Variants in MMP24 observed in about 807,000 individuals in gnomAD.
MMP24 encodes the protein matrix metallopeptidase 24, also known as matrix metalloproteinase-24.
Under a neutral mutation model 62.8 loss-of-function variants are expected in MMP24, and 25 were observed. The ratio of observed to expected loss-of-function variants is 0.40; its 90% CI spans 0.29 to 0.56. MMP24 has a LOEUF of 0.56. Among genes scored for constraint, MMP24 ranks in the 20% least tolerant of loss-of-function variants. MMP24 has a pLI of 0.50. For synonymous variants in MMP24, 319 were observed against 350.5 expected (o/e 0.91, Z 1.00); for missense variants, 634 against 853.6 (o/e 0.74, Z 3.21).
chr20:35,245,036 T>C lies in MMP24; in HGVS notation c.247-1804T>C, dbSNP rs371988808. On this transcript the variant is annotated intron_variant, in intron 1 of 8. Transcript: ENST00000246186. ...CTTTAAATATTTATTTATTTACTTA[T>C]TTATTTTAGAGATGAGATCTCACTC... Among the ~76,000 whole-genome samples the C allele has an allele frequency of 5.9e-5, 9 of 152,306 alleles. No homozygotes were observed. The South Asian group carries it at 1.9e-3, about 32-fold the overall frequency.
chr20:35,275,864 G>A lies in MMP24; in HGVS notation c.*1255G>A, dbSNP rs1389362165. On this transcript the variant is annotated 3_prime_UTR_variant, in exon 9 of 9. Coordinates refer to ENST00000246186, the MANE Select transcript of MMP24 (RefSeq NM_006690.4). ...CCCCTACCGGTAGCAGCCCCAAGCT[G>A]AGGGGGCTCCCTTTTTGACCTTCAC... 5.0e-6 allele frequency: 2 copies of A among 397,174 alleles called. No homozygotes were observed. The highest frequency in any genetic ancestry group is 8.9e-6 in the Non-Finnish European group (2 of 225,804). The allele number at this position is 397,174 out of a possible 1,614,324, so 24.6% of individuals were successfully genotyped here. A position where few individuals can be genotyped will look rare whatever the true frequency, so the allele number is the denominator to read the frequency against.
At chr20:35,245,943 TA>T (rs1377141772) in intron 1 of MMP24, among the ~76,000 whole-genome samples, 3 of 152,202 alleles carry the variant, frequency 2.0e-5, no homozygotes, top group Non-Finnish European at 4.4e-5. Flanking sequence ...AGATTTTTTC[TA>T]TGCACACATG....
chr20:35,232,510 G>A (rs973265836), intron 1 of MMP24, among the ~76,000 whole-genome samples: 3 of 152,196 alleles, frequency 2.0e-5, no homozygotes, highest in Non-Finnish European at 2.9e-5. Flanking sequence ...GGGAAGCACC[G>A]AAGAGGGAGG....
intron 8 of MMP24, among the ~76,000 whole-genome samples, chr20:35,272,836 GATA>G (rs1458580159): frequency 1.3e-5 from 2 of 152,134 alleles, no homozygotes; most frequent in East Asian, 1.9e-4. Context: ...TTTATAAAAT[GATA>G]ATAACAGTAC....
intron 1 of MMP24, among the ~76,000 whole-genome samples, chr20:35,244,592 C>G (rs577234069): frequency 1.3e-5 from 2 of 152,270 alleles, no homozygotes; most frequent in Admixed American, 1.3e-4. Context: ...AGGCACCCGT[C>G]ACCATGCCCG....
chr20:35,269,756 C>T lies in MMP24; in HGVS notation c.1195-4C>T. 1 of 1,568,644 alleles carries T rather than the reference C, an allele frequency of 6.4e-7. No homozygotes were observed. Among genetic ancestry groups the T allele is most frequent in the Non-Finnish European group, 8.6e-7 (1 of 1,156,912 alleles). ...CTCTCTCCCCCTCTCCCGCTTCCTC[C>T]CAGGATCGCTGGTTCTGGCGTCTGC... On this transcript the variant is annotated splice_polypyrimidine_tract_variant and splice_region_variant and intron_variant, in intron 6 of 8. Coordinates refer to ENST00000246186, the MANE Select transcript of MMP24 (RefSeq NM_006690.4). This position sits in a 1 kb window ranked among gnomAD's most constrained non-coding sequence, Gnocchi z 4.6.
chr20:35,271,677 G>T lies in MMP24; in HGVS notation c.1442G>T (p.Arg481Leu), dbSNP rs752150455. ...CGTGAAGGCATTGACACAGCTCTGC[G>T]CTGGGAACCTGTGGGCAAGACCTAC... ...LPREGIDTALRWEPVGKTYFF... is the reference protein window; with the variant it reads ...LPREGIDTALLWEPVGKTYFF... The change falls in exon 8 of 9, where the codon CGC becomes CTC. Residue 481 changes from arginine (R) to leucine (L), a missense_variant. By Grantham distance (102) the Arg-to-Leu change is moderately radical. Coordinates refer to ENST00000246186, the MANE Select transcript of MMP24 (RefSeq NM_006690.4). The surrounding 1 kb of genome is among the most constrained non-coding windows in gnomAD (Gnocchi z 4.0). 15 of 1,608,814 alleles carry T rather than the reference G, an allele frequency of 9.3e-6. No individual in the cohort carries two copies. The South Asian group carries it at 1.7e-4, about 18-fold the overall frequency.
At chr20:35,227,097 C>G (rs2060417217) in intron 1 of MMP24, 113 bp downstream of exon 1, 1 of 873,436 alleles carries the variant, frequency 1.1e-6, no homozygotes, top group African/African-American at 1.8e-5. Flanking sequence ...GTCGCGGAGG[C>G]GGCGCGCCGG....
intron 4 of MMP24, among the ~76,000 whole-genome samples, chr20:35,261,964 C>T (rs1276112061): frequency 1.3e-5 from 2 of 152,140 alleles, no homozygotes; most frequent in Middle Eastern, 3.4e-3. Context: ...CCATATCTGG[C>T]TAATTTTTGG....
At chr20:35,257,899 A>G (rs1011234411) in intron 4 of MMP24, among the ~76,000 whole-genome samples, 1 of 152,244 alleles carries the variant, frequency 6.6e-6, no homozygotes, top group Non-Finnish European at 1.5e-5. Context: ...ACTGGAATGC[A>G]GTGAAGGCAG....
chr20:35,242,003 A>G (rs2060490506), intron 1 of MMP24, among the ~76,000 whole-genome samples: 1 of 152,204 alleles, frequency 6.6e-6, no homozygotes, highest in African/African-American at 2.4e-5. Context: ...TTAGGTTTGT[A>G]CCACACCTCT....
intron 1 of MMP24, among the ~76,000 whole-genome samples, chr20:35,235,765 C>T (rs2060460077): frequency 6.6e-6 from 1 of 152,132 alleles, no homozygotes; most frequent in South Asian, 2.1e-4. Context: ...TTTGTCTTCA[C>T]TTTTCCCTTT....
chr20:35,243,618 G>A (rs1055814390), intron 1 of MMP24, among the ~76,000 whole-genome samples: 24 of 152,210 alleles, frequency 1.6e-4, no homozygotes, highest in Non-Finnish European at 3.1e-4. Flanking sequence ...TTTGGGAGGA[G>A]GAGAAGGAGG....
chr20:35,237,779 G>A (rs947915148), intron 1 of MMP24, among the ~76,000 whole-genome samples: 3 of 152,196 alleles, frequency 2.0e-5, no homozygotes, highest in Admixed American at 6.5e-5. Context: ...CAAGTGAGCT[G>A]TCTTTTTAGA....
chr20:35,259,292 T>C (rs1204011189), intron 4 of MMP24, among the ~76,000 whole-genome samples: 1 of 152,106 alleles, frequency 6.6e-6, no homozygotes, highest in African/African-American at 2.4e-5. Flanking sequence ...TCACCACAGG[T>C]GGTTCTGCTG....
intron 1 of MMP24, among the ~76,000 whole-genome samples, chr20:35,229,106 C>T (rs1348052319): frequency 1.3e-5 from 2 of 152,170 alleles, no homozygotes; most frequent in Non-Finnish European, 2.9e-5. Context: ...TTATTTTTAT[C>T]GGAGTGCATT....
At position 35,274,408 on chromosome 20, in the gene MMP24, G is replaced by A; in HGVS notation, c.1737G>A (p.Glu579=). The A allele has an allele frequency of 6.2e-7, 1 of 1,613,952 alleles. No individual in the cohort carries two copies. Among genetic ancestry groups the A allele is most frequent in the Non-Finnish European group, 8.5e-7 (1 of 1,179,884 alleles). ...AGAAGGAGGTGGAGCGGCGGAAGGAGCGGCGGCTGCCCCAGGACGACGTGG... is the reference window on the plus strand; with the variant it reads ...AGAAGGAGGTGGAGCGGCGGAAGGAACGGCGGCTGCCCCAGGACGACGTGG... ...CNQKEVERRK[E]RRLPQDDVDI... Residue 579 remains glutamate, a synonymous_variant, in exon 9 of 9, where the codon GAG becomes GAA. Coordinates refer to ENST00000246186, the MANE Select transcript of MMP24 (RefSeq NM_006690.4). This position sits in a 1 kb window ranked among gnomAD's most constrained non-coding sequence, Gnocchi z 5.1.
At position 35,271,182 on chromosome 20, in the gene MMP24, G is replaced by A. The variant is rs2060667073; in HGVS notation, c.1334-387G>A. Among the ~76,000 whole-genome samples the A allele has an allele frequency of 6.6e-6, 1 of 152,200 alleles. No homozygotes were observed. The highest frequency in any genetic ancestry group is 6.5e-5 in the Admixed American group (1 of 15,282). ...TGGTGCAGATGAGGAGCTCTGGGGA[G>A]CCAGCCAATGCAGAGCTGCCGGTAG... On this transcript the variant is annotated intron_variant, in intron 7 of 8. Transcript: ENST00000246186. This position sits in a 1 kb window ranked among gnomAD's most constrained non-coding sequence, Gnocchi z 4.0.
intron 6 of MMP24, among the ~76,000 whole-genome samples, chr20:35,268,824 A>G (rs2425038): frequency 0.21 from 31,726 of 151,882 alleles, 3,661 homozygotes; most frequent in African/African-American, 0.31. Flanking sequence ...TCAGGAGATC[A>G]AGACCATCCT....
Sources: allele counts gnomAD v4.1 joint callset (sites outside exome capture counted in the v4.1 genomes callset), GRCh38; gene constraint gnomAD v4.1.1; non-coding constraint Gnocchi (gnomAD v3.1); transcripts MANE v1.5; gene names NCBI Gene and HGNC (gene_info 2026-07-23, HGNC 2026-07-21).